GPC6: variants seen among roughly 807,000 people sequenced by gnomAD.
GPC6 encodes glypican-6.
Under a neutral mutation model 55.2 loss-of-function variants are expected in GPC6, and 14 were observed. The ratio of observed to expected loss-of-function variants is 0.25; its 90% CI spans 0.17 to 0.40. The LOEUF (loss-of-function observed/expected upper bound fraction) is 0.40. Ranked by LOEUF, GPC6 falls within the 10% of genes least tolerant of loss-of-function variation. The probability of loss-of-function intolerance (pLI) is 1.00; values close to 1 mark genes in which losing one functional copy is unlikely to be tolerated. For missense variants in GPC6, 641 were observed against 708.5 expected (o/e 0.90, Z 1.08); for synonymous variants, 278 against 259.6 (o/e 1.07, Z -0.68).
chr13:93,683,559 G>A (rs1167222946), intron 2 of GPC6, among the ~76,000 whole-genome samples: 3 of 152,106 alleles, frequency 2.0e-5, no homozygotes, highest in African/African-American at 7.2e-5. Context: ...TTCTGGTCCT[G>A]TATACATTTT....
chr13:93,858,612 C>T (rs1309125869), intron 3 of GPC6, among the ~76,000 whole-genome samples: 1 of 151,510 alleles, frequency 6.6e-6, no homozygotes, highest in Admixed American at 6.6e-5. Flanking sequence ...ACCATGAAAA[C>T]ATGATGTTCT....
chr13:94,133,451 A>C (rs1218568942), intron 4 of GPC6, among the ~76,000 whole-genome samples: 5 of 152,138 alleles, frequency 3.3e-5, no homozygotes, highest in African/African-American at 1.2e-4. Context: ...AAATCAGAAC[A>C]AACAGGGAAT....
At chr13:93,262,297 GA>G (rs965829789) in intron 1 of GPC6, among the ~76,000 whole-genome samples, 7 of 150,848 alleles carry the variant, frequency 4.6e-5, no homozygotes, top group African/African-American at 7.3e-5. Flanking sequence ...AAGGGTTCCC[GA>G]AAAAAAAAGT....
chr13:93,416,410 T>A (rs1290091694), intron 1 of GPC6, among the ~76,000 whole-genome samples: 1 of 152,066 alleles, frequency 6.6e-6, no homozygotes, highest in Non-Finnish European at 1.5e-5. Context: ...ATTTTCGATT[T>A]TTGTGAATAC....
chr13:93,461,560 A>G (rs1878689925), intron 1 of GPC6, among the ~76,000 whole-genome samples: 1 of 148,264 alleles, frequency 6.7e-6, no homozygotes. Context: ...ATTGTCTACC[A>G]TTGTCTTCTG....
In GPC6 at chr13:93,982,393, G is replaced by A. The variant is rs1206578568; in HGVS notation, c.712-45336G>A. On this transcript the variant is annotated intron_variant, in intron 3 of 8. Transcript: ENST00000377047. ...GACTCTCTGGAAGCAGAGAGGTGAG[G>A]AAAACTTGCCCATTTGCTGTTTGGA... Among the ~76,000 whole-genome samples, 3 of 152,288 alleles carry A rather than the reference G, an allele frequency of 2.0e-5. No homozygotes were observed. In the East Asian group the frequency reaches 5.8e-4, roughly 29 times the overall value.
intron 3 of GPC6, among the ~76,000 whole-genome samples, chr13:93,832,238 C>G (rs1887547859): frequency 7.1e-6 from 1 of 140,768 alleles, no homozygotes; most frequent in Admixed American, 7.3e-5. Flanking sequence ...GGTAGAATAG[C>G]AAGAGGAAAT....
chr13:94,304,339 T>C (rs1471396006), intron 5 of GPC6, among the ~76,000 whole-genome samples: 2 of 152,218 alleles, frequency 1.3e-5, no homozygotes, highest in Admixed American at 6.5e-5. Flanking sequence ...GAATTGTGTC[T>C]CAAGACGGAA....
intron 2 of GPC6, among the ~76,000 whole-genome samples, chr13:93,767,828 A>G (rs1010579980): frequency 6.6e-6 from 1 of 152,220 alleles, no homozygotes; most frequent in Non-Finnish European, 1.5e-5. Context: ...TCATGCATGT[A>G]TAGAACACAG....
chr13:94,133,080 C>T (rs1887056533), intron 4 of GPC6, among the ~76,000 whole-genome samples: 1 of 151,814 alleles, frequency 6.6e-6, no homozygotes, highest in Non-Finnish European at 1.5e-5. Flanking sequence ...GATTCTCATT[C>T]TGGGAAGAAG....
In GPC6 at chr13:93,952,875, C is replaced by CGT. The variant is rs1566619665; in HGVS notation, c.712-74854_712-74853insGT. Among the ~76,000 whole-genome samples, 26 of 107,180 alleles carry CGT rather than the reference C, an allele frequency of 2.4e-4. 2 individuals are homozygous for CGT. In the Middle Eastern group the frequency reaches 0.031, roughly 126 times the overall value. 70.3% of individuals were successfully genotyped at this position (107,180 alleles called of 152,430 possible). A position where few individuals can be genotyped will look rare whatever the true frequency, so the allele number is the denominator to read the frequency against. ...ATACGTATATATATGTATATATATA[C>CGT]ATATATATATGTGTGATATATACGT... On this transcript the variant is annotated intron_variant, in intron 3 of 8. Coordinates refer to ENST00000377047, the MANE Select transcript of GPC6 (RefSeq NM_005708.5).
At chr13:93,704,874 G>A (rs759045574) in intron 2 of GPC6, among the ~76,000 whole-genome samples, 2 of 151,910 alleles carry the variant, frequency 1.3e-5, no homozygotes, top group Non-Finnish European at 2.9e-5. Context: ...ACGTGATGCT[G>A]GATGGCATGA....
intron 2 of GPC6, among the ~76,000 whole-genome samples, chr13:93,788,161 C>T (rs532332456): frequency 3.3e-5 from 5 of 152,170 alleles, no homozygotes; most frequent in Non-Finnish European, 7.4e-5. Flanking sequence ...GGTGGGAAGT[C>T]CAAGATCAAG....
chr13:93,777,128 G>A (rs1445720603), intron 2 of GPC6, among the ~76,000 whole-genome samples: 1 of 152,120 alleles, frequency 6.6e-6, no homozygotes, highest in African/African-American at 2.4e-5. Context: ...ATTGAGTGTG[G>A]CTTCCTGGTT....
intron 3 of GPC6, among the ~76,000 whole-genome samples, chr13:93,893,217 G>A (rs1299695697): frequency 4.0e-5 from 6 of 151,852 alleles, no homozygotes; most frequent in Non-Finnish European, 8.8e-5. Flanking sequence ...CTGCCACCAC[G>A]CGTGGCTAAT....
At chr13:93,505,432 C>CAT (rs57228788) in intron 1 of GPC6, among the ~76,000 whole-genome samples, 66,211 of 138,082 alleles carry the variant, frequency 0.48, 15,708 homozygotes, top group Non-Finnish European at 0.61. Context: ...CACACACGTG[C>CAT]ACACACACAC....
At chr13:93,304,398 T>G (rs1157757881) in intron 1 of GPC6, among the ~76,000 whole-genome samples, 1 of 152,174 alleles carries the variant, frequency 6.6e-6, no homozygotes, top group East Asian at 1.9e-4. Flanking sequence ...AGCCTTGTCT[T>G]TAGGCACTCT....
chr13:93,688,498 G>A (rs1882132772), intron 2 of GPC6, among the ~76,000 whole-genome samples: 1 of 152,074 alleles, frequency 6.6e-6, no homozygotes, highest in Non-Finnish European at 1.5e-5. Flanking sequence ...TTTCACAAGA[G>A]ACAGAAGGTC....
At chr13:93,997,299 T>C (rs1881598936) in intron 3 of GPC6, among the ~76,000 whole-genome samples, 1 of 152,192 alleles carries the variant, frequency 6.6e-6, no homozygotes, top group Admixed American at 6.6e-5. Context: ...TTTGCTACTC[T>C]CCTATTTTAT....
Sources: gnomAD v4.1 joint callset for allele counts (sites outside exome capture counted in the v4.1 genomes callset) on GRCh38, gnomAD v4.1.1 for gene constraint, MANE v1.5 for transcripts, NCBI Gene and HGNC (gene_info 2026-07-23, HGNC 2026-07-21) for gene names.